The following IL13RA1 variants were observed in gnomAD, a reference collection of about 807,000 sequenced individuals.
The protein encoded by IL13RA1 is interleukin 13 receptor subunit alpha 1.
In IL13RA1, 14 loss-of-function variants were observed where a neutral mutation model predicts 33.8. The ratio of observed to expected loss-of-function variants is 0.41; its 90% CI spans 0.27 to 0.65. The LOEUF is 0.65. IL13RA1 is among the 30% of genes least tolerant of loss of function. The probability of loss-of-function intolerance (pLI) is 0.28; values close to 1 mark genes in which losing one functional copy is unlikely to be tolerated. For missense variants in IL13RA1, 313 were observed against 327.0 expected (o/e 0.96, Z 0.33); for synonymous variants, 116 against 115.7 (o/e 1.00, Z -0.02).
intron 5 of IL13RA1, 151 bp downstream of exon 5, chrX:118,758,393 C>A (rs1345558306): frequency 3.0e-6 from 1 of 336,570 alleles, no homozygotes; most frequent in Non-Finnish European, 5.3e-6. Flanking sequence ...TTGATAGATC[C>A]TTTTTAAAGA....
intron 4 of IL13RA1, among the ~76,000 whole-genome samples, chrX:118,751,982 C>A: frequency 9.1e-6 from 1 of 109,845 alleles, no homozygotes; most frequent in Non-Finnish European, 1.9e-5. Flanking sequence ...CGCACTCCTC[C>A]CTGGTGGAAG....
downstream of IL13RA1, among the ~76,000 whole-genome samples, chrX:118,796,429 TA>T (rs1306276115): frequency 1.8e-5 from 2 of 112,752 alleles, no homozygotes; most frequent in Non-Finnish European, 3.8e-5. Context: ...GGCAGTTACC[TA>T]AAGAAAAAAA....
chrX:118,752,982 A>G (rs2017486935), intron 4 of IL13RA1, among the ~76,000 whole-genome samples: 1 of 112,172 alleles, frequency 8.9e-6, no homozygotes, highest in Non-Finnish European at 1.9e-5. Context: ...AGTTGGCAGC[A>G]TCCATGTGTT....
intron 1 of IL13RA1, among the ~76,000 whole-genome samples, chrX:118,740,459 A>G (rs1359440305): frequency 8.9e-6 from 1 of 112,305 alleles, no homozygotes; most frequent in Non-Finnish European, 1.9e-5. Context: ...GGAACAAATT[A>G]CTTCACCTGC....
chrX:118,754,114 C>G (rs766179765), intron 4 of IL13RA1, among the ~76,000 whole-genome samples: 1 of 111,142 alleles, frequency 9.0e-6, no homozygotes, highest in South Asian at 3.8e-4. Flanking sequence ...CCTTACCACC[C>G]CACAGCTTAT....
intron 9 of IL13RA1, 110 bp downstream of exon 9, chrX:118,774,085 C>A: frequency 2.2e-6 from 1 of 454,829 alleles, no homozygotes; most frequent in Non-Finnish European, 3.8e-6. Context: ...AAGCATGTTG[C>A]CTGTAAGTGG....
chrX:118,798,088 T>TTCTTA (rs145001917), downstream of IL13RA1, among the ~76,000 whole-genome samples: 30,787 of 110,473 alleles, frequency 0.28, 3,912 homozygotes, highest in African/African-American at 0.45. Flanking sequence ...ATATTGCAAT[T>TTCTTA]TCTTTAGATT....
intron 10 of IL13RA1, among the ~76,000 whole-genome samples, chrX:118,786,105 CTTTAAT>C (rs1006868910): frequency 1.8e-5 from 2 of 111,019 alleles, no homozygotes; most frequent in Non-Finnish European, 3.8e-5. Context: ...TTATTTTATT[CTTTAAT>C]TTTAAACATT....
chrX:118,747,218 T>C (rs753854563), intron 3 of IL13RA1, 126 bp downstream of exon 3: 1 of 427,772 alleles, frequency 2.3e-6, no homozygotes, highest in Admixed American at 4.1e-5. Flanking sequence ...GTGCCAGGCA[T>C]TGTACTAGGT....
At position 118,766,974 on chromosome X, in the gene IL13RA1, T is replaced by A; in HGVS notation, c.1007T>A (p.Ile336Lys). ...LWSNWSQEMS[I>K]GKKRNSTLYI... ...AGTAATTGGAGCCAAGAAATGAGTA[T>A]AGGTAAGAGAACAGAATTTTTATTA... The change falls in exon 8 of 11, where the codon ATA becomes AAA. Residue 336 changes from isoleucine to lysine, a missense_variant and splice_region_variant. Coordinates refer to ENST00000371666, the MANE Select transcript of IL13RA1 (RefSeq NM_001560.3). 9.2e-7 allele frequency: 1 copy of A among 1,082,949 alleles called. No individual in the cohort carries two copies. Among genetic ancestry groups the A allele is most frequent in the Non-Finnish European group, 1.3e-6 (1 of 796,736 alleles). The allele number at this position is 1,082,949 out of a possible 1,213,427, so 89.2% of individuals were successfully genotyped here.
intron 2 of IL13RA1, 128 bp from the exon 3 acceptor site, chrX:118,746,826 A>T: frequency 2.2e-6 from 1 of 455,505 alleles, no homozygotes. Context: ...GCCCCAATTG[A>T]GAATCACTGA....
chrX:118,783,393 T>C (rs1179785232), intron 10 of IL13RA1, among the ~76,000 whole-genome samples: 3 of 111,963 alleles, frequency 2.7e-5, no homozygotes, highest in Non-Finnish European at 5.6e-5. Flanking sequence ...TATTTTTTTC[T>C]ACAAGTGGTT....
At chrX:118,734,076 A>G in intron 1 of IL13RA1, among the ~76,000 whole-genome samples, 1 of 111,920 alleles carries the variant, frequency 8.9e-6, no homozygotes, top group Admixed American at 9.5e-5. Context: ...TTCCGTTTCA[A>G]GACTGTTTGG....
chrX:118,731,598 A>G (rs2017220932), intron 1 of IL13RA1, among the ~76,000 whole-genome samples: 1 of 109,845 alleles, frequency 9.1e-6, no homozygotes, highest in Admixed American at 9.7e-5. Flanking sequence ...AAAAAAAGCA[A>G]CTCTTTAGAA....
chrX:118,788,166 C>T (rs2017940055), intron 10 of IL13RA1, among the ~76,000 whole-genome samples: 1 of 112,226 alleles, frequency 8.9e-6, no homozygotes, highest in African/African-American at 3.2e-5. Context: ...TTATATTCTT[C>T]TGTCATGACT....
chrX:118,801,672 A>G, the IL13RA1 span, among the ~76,000 whole-genome samples: 1 of 112,713 alleles, frequency 8.9e-6, no homozygotes, highest in Non-Finnish European at 1.9e-5. Flanking sequence ...GTGAGGTGTC[A>G]GTGAAATAAA....
intron 8 of IL13RA1, among the ~76,000 whole-genome samples, 178 bp from the exon 9 acceptor site, chrX:118,773,701 C>CT (rs3838204): frequency 4.3e-4 from 45 of 105,002 alleles, no homozygotes; most frequent in Non-Finnish European, 3.0e-4. Context: ...CAGAGGAGGA[C>CT]TTTTTTTTTT....
In IL13RA1 at chrX:118,761,259, C is replaced by T. The variant is rs201114746; in HGVS notation, c.798C>T (p.Asn266=). ...RCLFYEVEVN[N]SQTETHNVFY... The stretch of plus-strand genomic sequence containing the variant: ...TATTTTATGAAGTAGAAGTCAATAA[C>T]AGCCAAACTGAGACACATAATGTTT... Residue 266 remains asparagine (N), a synonymous_variant, in exon 6 of 11, where the codon AAC becomes AAT. Coordinates refer to ENST00000371666, the MANE Select transcript of IL13RA1 (RefSeq NM_001560.3). 10 of 1,050,006 alleles carry T rather than the reference C, an allele frequency of 9.5e-6. No homozygotes were observed. The Admixed American group carries it at 2.0e-4, about 21-fold the overall frequency. The allele number at this position is 1,050,006 out of a possible 1,213,427, so 86.5% of individuals were successfully genotyped here. A position where few individuals can be genotyped will look rare whatever the true frequency, so the allele number is the denominator to read the frequency against.
intron 1 of IL13RA1, among the ~76,000 whole-genome samples, chrX:118,734,702 C>G (rs912921592): frequency 9.0e-6 from 1 of 111,729 alleles, no homozygotes; most frequent in East Asian, 2.8e-4. Flanking sequence ...TTGATATGCC[C>G]GTGTATTCAC....
Sources: gnomAD v4.1 joint callset for allele counts (sites outside exome capture counted in the v4.1 genomes callset) on GRCh38, gnomAD v4.1.1 for gene constraint, MANE v1.5 for transcripts, NCBI Gene and HGNC (gene_info 2026-07-23, HGNC 2026-07-21) for gene names.